The following NLRP7 variants were observed in gnomAD, a reference collection of about 807,000 sequenced individuals.
NLRP7 encodes NACHT, LRR and PYD domains-containing protein 7.
NLRP7 carries 72 observed loss-of-function variants against 85.5 expected under a neutral mutation model. The ratio of observed to expected loss-of-function variants is 0.84; its 90% CI spans 0.70 to 1.02. The LOEUF (loss-of-function observed/expected upper bound fraction) is 1.02, where lower values mean the gene tolerates loss of function less well. Ranked by LOEUF, NLRP7 falls within the 50% of genes least tolerant of loss-of-function variation. NLRP7 has a pLI of 0.00. For synonymous variants in NLRP7, 550 were observed against 505.2 expected, an observed-to-expected ratio of 1.09 and a Z score of -1.19; for missense variants, 1,243 against 1,219.5, an observed-to-expected ratio of 1.02 and a Z score of -0.29.
chr19:54,962,602 T>C (rs1487496327), intron 1 of NLRP7, among the ~76,000 whole-genome samples: 2 of 148,142 alleles, frequency 1.4e-5, no homozygotes, highest in African/African-American at 2.5e-5. Context: ...TCTTTCTTTT[T>C]TGTTTGTTTG....
intron 6 of NLRP7, among the ~76,000 whole-genome samples, chr19:54,935,106 T>TC (rs1459592057): frequency 1.3e-5 from 2 of 152,196 alleles, no homozygotes; most frequent in Non-Finnish European, 2.9e-5. Flanking sequence ...TAATGTTGCC[T>TC]CTGCTTCTTC....
At chr19:54,955,642 AGCCAG>A (rs2069826582) in intron 1 of NLRP7, among the ~76,000 whole-genome samples, 2 of 151,968 alleles carry the variant, frequency 1.3e-5, no homozygotes, top group Non-Finnish European at 2.9e-5. Context: ...TACAAAAGTT[AGCCAG>A]GAGGTCGTGG....
exon 5 of NLRP7, chr19:54,938,204 C>T (rs1379780840): frequency 3.1e-6 from 5 of 1,614,064 alleles, no homozygotes; most frequent in African/African-American, 1.3e-5. Flanking sequence ...GAGCGAAGAT[C>T]CTGCCGAGCC....
intron 8 of NLRP7, among the ~76,000 whole-genome samples, chr19:54,932,501 C>A (rs1039163170): frequency 6.6e-6 from 1 of 151,980 alleles, no homozygotes; most frequent in Non-Finnish European, 1.5e-5. Context: ...CAACCCTATG[C>A]AATCTCTTGA....
Position 54,941,007 on chromosome 19 carries a change from T to C in NLRP7, c.278-2A>G. Reference sequence around the variant, plus strand: ...CTATTTCTTGCACCTGTCCGTCCTCTGTAAAATACTTAGATGTAAGCCTGA... The same window carrying C: ...CTATTTCTTGCACCTGTCCGTCCTCCGTAAAATACTTAGATGTAAGCCTGA... On this transcript the variant is annotated splice_acceptor_variant, in intron 2 of 9. Coordinates refer to ENST00000340844, the Ensembl canonical transcript of NLRP7. LOFTEE classifies it high-confidence loss of function. The C allele has an allele frequency of 1.9e-6, 3 of 1,596,674 alleles. No homozygotes were observed. In the Admixed American group the frequency reaches 5.0e-5, roughly 27 times the overall value.
intron 9 of NLRP7, among the ~76,000 whole-genome samples, chr19:54,926,793 G>GT (rs754894230): frequency 4.0e-5 from 6 of 151,864 alleles, no homozygotes; most frequent in Non-Finnish European, 8.8e-5. Context: ...GCGAGCGACT[G>GT]TAATCCTAGC....
At chr19:54,930,770 C>CAGTGAGCCAAG in intron 8 of NLRP7, 104 bp from the exon 9 acceptor site, 1 of 939,430 alleles carries the variant, frequency 1.1e-6, no homozygotes, top group Non-Finnish European at 1.7e-6. Flanking sequence ...TACTGGAATG[C>CAGTGAGCCAAG]AGTGCTGCAC....
At chr19:54,941,231 G>A (rs995702540) in intron 2 of NLRP7, among the ~76,000 whole-genome samples, 1 of 151,304 alleles carries the variant, frequency 6.6e-6, no homozygotes, top group African/African-American at 2.4e-5. Context: ...TTAGCCAGGT[G>A]TGGTGAAACA....
At chr19:54,952,850 T>G (rs2069715170) in intron 1 of NLRP7, among the ~76,000 whole-genome samples, 1 of 151,816 alleles carries the variant, frequency 6.6e-6, no homozygotes, top group Non-Finnish European at 1.5e-5. Context: ...AGTTAAGGCA[T>G]TCTCCAAAAA....
chr19:54,926,534 C>G (rs1474894160), intron 9 of NLRP7, among the ~76,000 whole-genome samples: 1 of 152,100 alleles, frequency 6.6e-6, no homozygotes, highest in East Asian at 1.9e-4. Context: ...AATCCCGGCA[C>G]TTTGAGAGGC....
intron 1 of NLRP7, among the ~76,000 whole-genome samples, chr19:54,957,544 C>T (rs1292997636): frequency 2.0e-5 from 3 of 151,880 alleles, no homozygotes; most frequent in African/African-American, 7.3e-5. Flanking sequence ...GGGGTTTCAC[C>T]ATGTTGGCCA....
chr19:54,923,949 AAC>A, intron 9 of NLRP7, 77 bp from the exon 11 acceptor site: 1 of 1,502,032 alleles, frequency 6.7e-7, no homozygotes, highest in Non-Finnish European at 9.2e-7. Context: ...TCTGTTTTCA[AAC>A]ACTCAAAGCA....
intron 9 of NLRP7, 137 bp from the exon 10 acceptor site, chr19:54,927,912 T>C: frequency 1.3e-6 from 1 of 758,998 alleles, no homozygotes; most frequent in Admixed American, 1.9e-5. Flanking sequence ...GCCAACACGG[T>C]CAAACCCCAT....
At chr19:54,942,116 C>CGTG in intron 1 of NLRP7, among the ~76,000 whole-genome samples, 1 of 151,936 alleles carries the variant, frequency 6.6e-6, no homozygotes, top group Non-Finnish European at 1.5e-5. Flanking sequence ...ATTAGCAGGG[C>CGTG]GTGGTGGCGG....
exon 6 of NLRP7, chr19:54,936,408 G>A: frequency 6.2e-7 from 1 of 1,614,122 alleles, no homozygotes; most frequent in Non-Finnish European, 8.5e-7. Context: ...CCGGTACGCG[G>A]TGTCAGGGGT....
chr19:54,923,719 C>T (rs1351721270), exon 10 of NLRP7: 13 of 1,612,032 alleles, frequency 8.1e-6, no homozygotes, highest in Non-Finnish European at 1.1e-5. Flanking sequence ...CTGTGTAATT[C>T]GTAGAGCGAT....
chr19:54,963,169 G>A (rs1401397397), intron 1 of NLRP7, among the ~76,000 whole-genome samples: 1 of 152,018 alleles, frequency 6.6e-6, no homozygotes, highest in Non-Finnish European at 1.5e-5. Context: ...GCCGTGGTGG[G>A]AAGATTGCTT....
intron 9 of NLRP7, among the ~76,000 whole-genome samples, chr19:54,927,381 CAAAAAA>C (rs35405359): frequency 2.2e-5 from 3 of 138,772 alleles, no homozygotes; most frequent in African/African-American, 8.1e-5. Flanking sequence ...AACTCCGTCT[CAAAAAA>C]AAAAAAAGAA....
rs1434261805 is a variant in NLRP7 at position 54,931,873 on chromosome 19, C to T, written c.2643-1207G>A. Among the ~76,000 whole-genome samples the T allele has an allele frequency of 5.9e-4, 90 of 151,680 alleles. 1 individual carries two copies. Among genetic ancestry groups the T allele is most frequent in the Non-Finnish European group, 1.5e-4 (10 of 67,904 alleles). ...AAAAAAAAAAAAACATCCAAATGGCCTTCTGATTCCATCCATTTCCAGCTC... is the reference window on the plus strand; with the variant it reads ...AAAAAAAAAAAAACATCCAAATGGCTTTCTGATTCCATCCATTTCCAGCTC... On this transcript the variant is annotated intron_variant, in intron 8 of 9. Transcript: ENST00000340844.
Sources: allele counts gnomAD v4.1 joint callset (sites outside exome capture counted in the v4.1 genomes callset), GRCh38; gene constraint gnomAD v4.1.1; transcripts MANE v1.5; gene names NCBI Gene and HGNC (gene_info 2026-07-23, HGNC 2026-07-21).